Variants in GRK3 observed in about 807,000 individuals in gnomAD.
GRK3 encodes the protein adrenergic, beta, receptor kinase 2.
In GRK3, 54 loss-of-function variants were observed where a neutral mutation model predicts 95.7. The observed-to-expected ratio is 0.56, with a 90% CI of 0.45 to 0.71. GRK3 has a LOEUF of 0.71. GRK3 is among the 30% of genes least tolerant of loss of function. GRK3 has a pLI of 0.00. For missense variants in GRK3, 649 were observed against 851.2 expected, an observed-to-expected ratio of 0.76 and a Z score of 2.96; for synonymous variants, 281 against 290.8, an observed-to-expected ratio of 0.97 and a Z score of 0.34.
chr22:25,587,849 G>A (rs191810961), intron 1 of GRK3, among the ~76,000 whole-genome samples: 6 of 152,234 alleles, frequency 3.9e-5, no homozygotes, highest in East Asian at 1.9e-4. Context: ...TATGTAAGAC[G>A]TACCCTTTGC....
intron 1 of GRK3, among the ~76,000 whole-genome samples, chr22:25,602,701 C>T (rs1758874013): frequency 6.6e-6 from 1 of 152,098 alleles, no homozygotes; most frequent in African/African-American, 2.4e-5. Flanking sequence ...AAGCCAGACA[C>T]AACAGACAAC....
rs1220424309 is a variant in GRK3, at chr22:25,564,895, G to GGC, written c.-136_-135dup. 4 of 141,050 alleles carry GGC rather than the reference G, an allele frequency of 2.8e-5. No homozygotes were observed. Among genetic ancestry groups the GGC allele is most frequent in the Non-Finnish European group, 4.7e-5 (3 of 64,160 alleles). The allele number at this position is 141,050 out of a possible 1,614,324, so 8.7% of individuals were successfully genotyped here. A position where few individuals can be genotyped will look rare whatever the true frequency, so the allele number is the denominator to read the frequency against. On this transcript the variant is annotated 5_prime_UTR_variant, in exon 1 of 21. Coordinates refer to ENST00000324198, the MANE Select transcript of GRK3 (RefSeq NM_005160.4). Reference sequence around the variant, plus strand: ...CGCGCAGAGCGCTAGTGGGGCGCGCGGCGCGCGCGCGGGGCGGGGGCGCGC... The same window carrying GGC: ...CGCGCAGAGCGCTAGTGGGGCGCGCGGCGCGCGCGCGCGGGGCGGGGGCGCGC...
intron 2 of GRK3, among the ~76,000 whole-genome samples, chr22:25,620,101 A>G (rs1018210540): frequency 3.3e-5 from 5 of 149,330 alleles, no homozygotes; most frequent in Non-Finnish European, 7.4e-5. Context: ...AGGAAGGGAG[A>G]AGGAAGAAGC....
At chr22:25,707,131 G>A (rs1414722638) in intron 15 of GRK3, among the ~76,000 whole-genome samples, 1 of 152,114 alleles carries the variant, frequency 6.6e-6, no homozygotes, top group African/African-American at 2.4e-5. Flanking sequence ...CCTGTGGTGG[G>A]TTTATATCTC....
At chr22:25,667,711 C>T (rs368180297) in intron 5 of GRK3, 28 bp from the exon 6 acceptor site, 35 of 1,550,590 alleles carry the variant, frequency 2.3e-5, no homozygotes, top group African/African-American at 5.5e-5. Context: ...ATTCATTCAC[C>T]GTGGAATTTC....
In GRK3 at chr22:25,690,185, T is replaced by G. The variant is rs55645150; in HGVS notation, c.958-4T>G. The G allele has an allele frequency of 1.9e-4, 305 of 1,612,268 alleles. 3 individuals are homozygous for G. In the East Asian group the frequency reaches 6.4e-3, roughly 34 times the overall value. On this transcript the variant is annotated splice_region_variant and splice_polypyrimidine_tract_variant and intron_variant, in intron 11 of 20. Coordinates refer to ENST00000324198, the MANE Select transcript of GRK3 (RefSeq NM_005160.4). The stretch of plus-strand genomic sequence containing the variant: ...TTATTAAAGATTATTCTCTTTCTGT[T>G]TAGCCAGCAAATATTCTCTTGGATG...
At chr22:25,647,398 A>G in intron 3 of GRK3, 1 of 1,318,592 alleles carries the variant, frequency 7.6e-7, no homozygotes, top group Non-Finnish European at 1.1e-6. Flanking sequence ...TCTTCAGCAA[A>G]GGGAACAGCA....
At chr22:25,609,551 C>T (rs2084479839) in intron 2 of GRK3, among the ~76,000 whole-genome samples, 1 of 152,034 alleles carries the variant, frequency 6.6e-6, no homozygotes, top group Admixed American at 6.5e-5. Context: ...AGGCTGGTCT[C>T]AAGCTCCTGA....
At chr22:25,630,855 C>G (rs1262808374) in intron 2 of GRK3, among the ~76,000 whole-genome samples, 1 of 152,104 alleles carries the variant, frequency 6.6e-6, no homozygotes, top group Non-Finnish European at 1.5e-5. Flanking sequence ...GGATGGAGAA[C>G]TTGGGTTTTA....
rs1222982466 is a variant in GRK3, at chr22:25,726,198, G to A, written c.*3748G>A. ...ACTAGATTAAAAAGATCAAAGTGTG[G>A]TTTTTCTCTGCTTTTTAAAATTTCA... On this transcript the variant is annotated 3_prime_UTR_variant, in exon 21 of 21. Coordinates refer to ENST00000324198, the MANE Select transcript of GRK3 (RefSeq NM_005160.4). 1 of 152,122 alleles carries A rather than the reference G, an allele frequency of 6.6e-6. No individual in the cohort carries two copies. The highest frequency in any genetic ancestry group is 2.4e-5 in the African/African-American group (1 of 41,420). The allele number at this position is 152,122 out of a possible 1,614,324, so 9.4% of individuals were successfully genotyped here.
intron 15 of GRK3, among the ~76,000 whole-genome samples, chr22:25,704,872 G>A (rs2085287431): frequency 1.3e-5 from 2 of 152,040 alleles, no homozygotes; most frequent in South Asian, 2.1e-4. Context: ...GAGTAACTGC[G>A]ATCTAACACA....
chr22:25,605,581 G>T (rs1454043099), intron 2 of GRK3, among the ~76,000 whole-genome samples: 2 of 152,160 alleles, frequency 1.3e-5, no homozygotes, highest in African/African-American at 4.8e-5. Flanking sequence ...ATTTATTGAG[G>T]TATATTTCAC....
intron 1 of GRK3, among the ~76,000 whole-genome samples, chr22:25,585,513 TAC>T (rs1210475432): frequency 1.3e-5 from 2 of 152,190 alleles, no homozygotes; most frequent in Admixed American, 1.3e-4. Context: ...ATTATACACA[TAC>T]ACACACAGGC....
chr22:25,625,923 C>T (rs1303468854), intron 2 of GRK3, among the ~76,000 whole-genome samples: 1 of 152,240 alleles, frequency 6.6e-6, no homozygotes, highest in African/African-American at 2.4e-5. Flanking sequence ...ATGACTCACA[C>T]TCTTTACCCT....
At chr22:25,611,206 T>A (rs1313123372) in intron 2 of GRK3, among the ~76,000 whole-genome samples, 1 of 152,228 alleles carries the variant, frequency 6.6e-6, no homozygotes, top group African/African-American at 2.4e-5. Flanking sequence ...GGCATTTGGA[T>A]TATTTCCACT....
intron 17 of GRK3, among the ~76,000 whole-genome samples, chr22:25,712,781 G>A (rs1289577851): frequency 6.6e-6 from 1 of 152,220 alleles, no homozygotes; most frequent in Non-Finnish European, 1.5e-5. Flanking sequence ...TGACAAACTA[G>A]TAGCTTCTAT....
At chr22:25,648,761 T>C in intron 3 of GRK3, 1 of 1,142,466 alleles carries the variant, frequency 8.8e-7, no homozygotes, top group Non-Finnish European at 1.3e-6. Context: ...GTATGGCATA[T>C]ATTAAAAGAA....
intron 11 of GRK3, among the ~76,000 whole-genome samples, chr22:25,689,953 T>C (rs1348139108): frequency 6.6e-6 from 1 of 152,232 alleles, no homozygotes; most frequent in African/African-American, 2.4e-5. Flanking sequence ...CATGTTTCAT[T>C]TTCTAATGAG....
chr22:25,690,121 C>A, intron 11 of GRK3, 68 bp from the exon 12 acceptor site: 1 of 1,176,440 alleles, frequency 8.5e-7, no homozygotes, highest in Non-Finnish European at 1.3e-6. Context: ...GGTGTCTGCA[C>A]TCAAAGTTCT....
Sources: gnomAD v4.1 joint callset for allele counts (sites outside exome capture counted in the v4.1 genomes callset) on GRCh38, gnomAD v4.1.1 for gene constraint, MANE v1.5 for transcripts, NCBI Gene and HGNC (gene_info 2026-07-23, HGNC 2026-07-21) for gene names.